HYCC1: variants seen among roughly 807,000 people sequenced by gnomAD.
The protein encoded by HYCC1 is hyccin PI4KA lipid kinase complex subunit 1, also known as hyccin.
the HYCC1 span, among the ~76,000 whole-genome samples, chr7:22,911,710 A>G: frequency 6.6e-6 from 1 of 152,216 alleles, no homozygotes; most frequent in African/African-American, 2.4e-5. Flanking sequence ...GTGAGCTGAG[A>G]TCGCACCACT....
At chr7:22,925,995 T>C in the HYCC1 span, among the ~76,000 whole-genome samples, 2 of 152,118 alleles carry the variant, frequency 1.3e-5, no homozygotes, top group Admixed American at 6.5e-5. Flanking sequence ...CGGCAGAAAC[T>C]CTACAAGCCA....
At chr7:22,983,940 T>C in the HYCC1 span, 4 of 1,519,110 alleles carry the variant, frequency 2.6e-6, no homozygotes, top group African/African-American at 2.7e-5. Context: ...ATAAAAGTAC[T>C]TACCTCACTT....
chr7:22,952,274 AAG>A, the HYCC1 span, among the ~76,000 whole-genome samples: 7 of 152,006 alleles, frequency 4.6e-5, no homozygotes, highest in African/African-American at 1.7e-4. Flanking sequence ...TAGGGGATAA[AAG>A]TACTTAGATG....
At chr7:22,963,369 AAG>A in the HYCC1 span, among the ~76,000 whole-genome samples, 1 of 152,232 alleles carries the variant, frequency 6.6e-6, no homozygotes, top group Admixed American at 6.5e-5. Flanking sequence ...AACTACAAGA[AAG>A]AGTCTAATGA....
chr7:22,946,292 T>C, the HYCC1 span: 6 of 720,782 alleles, frequency 8.3e-6, no homozygotes, highest in Non-Finnish European at 1.3e-5. Context: ...CAACAGATTA[T>C]AGAAAATCAA....
At chr7:23,002,058 T>G in the HYCC1 span, among the ~76,000 whole-genome samples, 1 of 150,036 alleles carries the variant, frequency 6.7e-6, no homozygotes, top group Non-Finnish European at 1.5e-5. Flanking sequence ...CTCAAAGCAC[T>G]ATAAAAATTG....
the HYCC1 span, chr7:22,964,564 T>C: frequency 7.9e-7 from 1 of 1,270,282 alleles, no homozygotes; most frequent in Non-Finnish European, 1.2e-6. Context: ...ATTTCTAAAA[T>C]TGGTAAAATT....
the HYCC1 span, among the ~76,000 whole-genome samples, chr7:22,900,501 A>G: frequency 2.6e-5 from 4 of 152,236 alleles, no homozygotes; most frequent in African/African-American, 9.6e-5. Flanking sequence ...ATGAGATGTA[A>G]ACAGATATCT....
the HYCC1 span, among the ~76,000 whole-genome samples, chr7:22,956,342 A>G: frequency 5.3e-5 from 8 of 151,906 alleles, no homozygotes; most frequent in African/African-American, 1.9e-4. Context: ...CAGCAATTCT[A>G]CACTGTAATT....
the HYCC1 span, among the ~76,000 whole-genome samples, chr7:23,004,669 A>G: frequency 6.6e-6 from 1 of 152,188 alleles, no homozygotes; most frequent in African/African-American, 2.4e-5. Flanking sequence ...AATAACAGCA[A>G]TTGTTAAAAA....
At chr7:22,965,427 A>G in the HYCC1 span, among the ~76,000 whole-genome samples, 1 of 151,676 alleles carries the variant, frequency 6.6e-6, no homozygotes, top group Non-Finnish European at 1.5e-5. Context: ...AAGAAAGATC[A>G]ATAGATTTTA....
chr7:22,980,909 C>T, the HYCC1 span, among the ~76,000 whole-genome samples: 118 of 152,292 alleles, frequency 7.7e-4, 1 homozygote, highest in African/African-American at 2.5e-3. Flanking sequence ...GCAAACTGCA[C>T]TGTACCCATA....
chr7:22,919,045 T>G, the HYCC1 span, among the ~76,000 whole-genome samples: 2 of 152,078 alleles, frequency 1.3e-5, no homozygotes, highest in African/African-American at 4.8e-5. Flanking sequence ...GTCCCAACAA[T>G]GTATTACCTA....
the HYCC1 span, chr7:22,939,048 A>G: frequency 6.6e-6 from 1 of 152,210 alleles, no homozygotes; most frequent in African/African-American, 2.4e-5. Flanking sequence ...CATACACTGA[A>G]TAATCAATGT....
chr7:22,938,533 A>G, the HYCC1 span: 2 of 152,182 alleles, frequency 1.3e-5, no homozygotes, highest in Admixed American at 6.6e-5. Flanking sequence ...TGGGAAGTTC[A>G]ACAAGGATTT....
chr7:22,909,022 G>C, the HYCC1 span, among the ~76,000 whole-genome samples: 3 of 152,226 alleles, frequency 2.0e-5, no homozygotes, highest in East Asian at 5.8e-4. Context: ...GCTGGGAGAA[G>C]TTAACATGGT....
chr7:22,939,571 T>C, the HYCC1 span: 1 of 152,238 alleles, frequency 6.6e-6, no homozygotes, highest in Non-Finnish European at 1.5e-5. Context: ...GTAAAATGTA[T>C]TATGATTTAC....
the HYCC1 span, among the ~76,000 whole-genome samples, chr7:22,922,520 T>C: frequency 6.6e-6 from 1 of 152,246 alleles, no homozygotes; most frequent in African/African-American, 2.4e-5. Context: ...TACTGTGCTG[T>C]ATATTGCTAG....
the HYCC1 span, chr7:22,976,317 CA>C: frequency 6.3e-7 from 1 of 1,578,644 alleles, no homozygotes; most frequent in Non-Finnish European, 8.7e-7. Context: ...TAAAGACAAA[CA>C]AAAAGAATAT....
Sources: allele counts gnomAD v4.1 joint callset (sites outside exome capture counted in the v4.1 genomes callset), GRCh38; gene constraint gnomAD v4.1.1; transcripts MANE v1.5; gene names NCBI Gene and HGNC (gene_info 2026-07-23, HGNC 2026-07-21).